Variants in ABHD14A observed in about 807,000 individuals in gnomAD.
The protein encoded by ABHD14A is abhydrolase domain containing 14A, also known as protein ABHD14A.
Under a neutral mutation model 27.0 loss-of-function variants are expected in ABHD14A, and 19 were observed. That is an observed-to-expected ratio of 0.70 (90% CI 0.49 to 1.03). The LOEUF is 1.03. Among genes scored for constraint, ABHD14A ranks in the 50% least tolerant of loss-of-function variants. The probability of loss-of-function intolerance (pLI) is 0.00; values close to 1 mark genes in which losing one functional copy is unlikely to be tolerated. For missense variants in ABHD14A, 311 were observed against 344.6 expected (o/e 0.90, Z 0.77); for synonymous variants, 148 against 158.8 (o/e 0.93, Z 0.51).
At position 51,978,024 on chromosome 3, in the gene ABHD14A, A is replaced by T. The variant is rs766013085; in HGVS notation, c.223A>T (p.Thr75Ser). ...CAATGTCACAGTCCTGGCTGGTCTC[A>T]CCCCTGGCAACTCGCCCATCTTTTA... Reference protein sequence around the residue: ...DPNVTVLAGLTPGNSPIFYRE... With the variant: ...DPNVTVLAGLSPGNSPIFYRE... The change falls in exon 2 of 5, where the codon ACC becomes TCC. Residue 75 changes from threonine (T) to serine (S), a missense_variant. Thr to Ser is a moderately conservative substitution (Grantham distance 58). Coordinates refer to ENST00000273596, the MANE Select transcript of ABHD14A (RefSeq NM_015407.5). 1.2e-6 allele frequency: 2 copies of T among 1,613,706 alleles called. No homozygotes were observed. The highest frequency in any genetic ancestry group is 1.7e-6 in the Non-Finnish European group (2 of 1,179,986).
chr3:51,980,807 A>C, intron 4 of ABHD14A, 29 bp from the exon 5 acceptor site: 1 of 1,599,554 alleles, frequency 6.3e-7, no homozygotes, highest in Non-Finnish European at 8.6e-7. Context: ...TCAGGCCCCA[A>C]GATCACAGCC....
Position 51,978,318 on chromosome 3 carries a change from G to A in ABHD14A, c.341G>A (p.Gly114Asp), listed in dbSNP as rs1378950640. The change falls in exon 3 of 5, where the codon GGC becomes GAC. Residue 114 changes from glycine to aspartate, a missense_variant. Gly to Asp is a moderately conservative substitution (Grantham distance 94). Transcript: ENST00000273596. Reference sequence around the variant, plus strand: ...AACTCTCACACGTGGGAGCAGCTGGGCACACTGCAGCTACTGTCACAGAGG... The same window carrying A: ...AACTCTCACACGTGGGAGCAGCTGGACACACTGCAGCTACTGTCACAGAGG... ...AFNSHTWEQL[G>D]TLQLLSQRGY... 14 of 1,551,712 alleles carry A rather than the reference G, an allele frequency of 9.0e-6. No homozygotes were observed. The highest frequency in any genetic ancestry group is 1.1e-5 in the Non-Finnish European group (13 of 1,147,038).
chr3:51,980,649 A>G, intron 4 of ABHD14A, 21 bp downstream of exon 4: 1 of 1,607,424 alleles, frequency 6.2e-7, no homozygotes, highest in Non-Finnish European at 8.5e-7. Flanking sequence ...AAGGATCTCA[A>G]AGGTCCTGGC....
Position 51,980,551 on chromosome 3 carries a change from C to A in ABHD14A, c.556C>A (p.His186Asn). The change falls in exon 4 of 5, where the codon CAC becomes AAC. Residue 186 changes from histidine to asparagine, a missense_variant. Physicochemically the swap from His to Asn is moderately conservative, Grantham distance 68. Coordinates refer to ENST00000273596, the MANE Select transcript of ABHD14A (RefSeq NM_015407.5). Reference sequence around the variant, plus strand: ...CCTGCCCTTCCTGATGCGAGGCCACCACCAGCTACATGGATTTGTGCCCAT... The same window carrying A: ...CCTGCCCTTCCTGATGCGAGGCCACAACCAGCTACATGGATTTGTGCCCAT... The part of the protein sequence containing the change: ...YALPFLMRGH[H>N]QLHGFVPIAP... 1 of 1,614,126 alleles carries A rather than the reference C, an allele frequency of 6.2e-7. No individual in the cohort carries two copies. Among genetic ancestry groups the A allele is most frequent in the Non-Finnish European group, 8.5e-7 (1 of 1,180,038 alleles).
chr3:51,976,296 A>G (rs900971809), intron 1 of ABHD14A, among the ~76,000 whole-genome samples: 1 of 152,258 alleles, frequency 6.6e-6, no homozygotes, highest in African/African-American at 2.4e-5. Flanking sequence ...GGCTCAGGAA[A>G]CATCCCCAAA....
chr3:51,975,595 G>T (rs1700772361), intron 1 of ABHD14A, among the ~76,000 whole-genome samples: 1 of 151,926 alleles, frequency 6.6e-6, no homozygotes, highest in South Asian at 2.1e-4. Context: ...GTGTGTGTGT[G>T]CGTGTCTGCT....
chr3:51,976,241 C>G (rs1440688712), intron 1 of ABHD14A, among the ~76,000 whole-genome samples: 5 of 152,256 alleles, frequency 3.3e-5, no homozygotes, highest in African/African-American at 1.2e-4. Flanking sequence ...AAGGCGGCTG[C>G]TGCTGTGGCT....
intron 3 of ABHD14A, among the ~76,000 whole-genome samples, chr3:51,979,217 C>T (rs964298054): frequency 2.6e-5 from 4 of 152,176 alleles, no homozygotes; most frequent in Admixed American, 6.5e-5. Flanking sequence ...TCTCCCCCTA[C>T]ATCATGTCTC....
chr3:51,975,065 CAG>C lies in ABHD14A; in HGVS notation c.-70_-69del. ...TGCAGGCCCGCGGCTGCGGAGTGCG[CAG>C]GCGCGCCGAGATGGCCGCGCTCCTG... is the stretch of plus-strand genomic sequence containing the variant. On this transcript the variant is annotated 5_prime_UTR_variant, in exon 1 of 5. Coordinates refer to ENST00000273596, the MANE Select transcript of ABHD14A (RefSeq NM_015407.5). 7.9e-7 allele frequency: 1 copy of C among 1,262,914 alleles called. No homozygotes were observed. Among genetic ancestry groups the C allele is most frequent in the Non-Finnish European group, 1.0e-6 (1 of 1,003,392 alleles). The allele number at this position is 1,262,914 out of a possible 1,614,324, so 78.2% of individuals were successfully genotyped here.
Position 51,980,416 on chromosome 3 carries a change from A to C in ABHD14A, c.421A>C (p.Lys141Gln). ...AGGTTTTGGGAACTCGGCACCTTCAAAGGAGGCAAGCACAGAGGCAGGGCG... is the reference window on the plus strand; with the variant it reads ...AGGTTTTGGGAACTCGGCACCTTCACAGGAGGCAAGCACAGAGGCAGGGCG... Reference protein sequence around the residue: ...LPGFGNSAPSKEASTEAGRAA... With the variant: ...LPGFGNSAPSQEASTEAGRAA... The change falls in exon 4 of 5, where the codon AAG (lysine) becomes CAG (glutamine). Residue 141 changes from lysine (K) to glutamine (Q), a missense_variant. Transcript: ENST00000273596. 2.5e-6 allele frequency: 4 copies of C among 1,613,952 alleles called. No individual in the cohort carries two copies. Among genetic ancestry groups the C allele is most frequent in the Non-Finnish European group, 3.4e-6 (4 of 1,180,008 alleles).
Position 51,980,406 on chromosome 3 carries a change from G to A in ABHD14A, c.411G>A (p.Ser137=), listed in dbSNP as rs1033126428. ...VALDLPGFGN[S]APSKEASTEA... is the part of the protein sequence containing the mutation. ...TGCTGTTCCTAGGTTTTGGGAACTC[G>A]GCACCTTCAAAGGAGGCAAGCACAG... The change falls in exon 4 of 5, where the codon TCG becomes TCA. Residue 137 remains serine (S), a synonymous_variant. Coordinates refer to ENST00000273596, the MANE Select transcript of ABHD14A (RefSeq NM_015407.5). The A allele has an allele frequency of 5.6e-6, 9 of 1,613,814 alleles. No homozygotes were observed. In the Admixed American group the frequency reaches 8.3e-5, roughly 15 times the overall value.
chr3:51,975,348 G>T (rs1173737394), intron 1 of ABHD14A, 144 bp downstream of exon 1: 1 of 742,538 alleles, frequency 1.3e-6, no homozygotes, highest in South Asian at 6.6e-5. Context: ...CGCGTGTAAT[G>T]TGTGTGCGCG....
chr3:51,976,762 A>T (rs1335854673), intron 1 of ABHD14A, among the ~76,000 whole-genome samples: 1 of 152,184 alleles, frequency 6.6e-6, no homozygotes, highest in Admixed American at 6.5e-5. Context: ...AATGACAGGG[A>T]CAGCCCTGAT....
In ABHD14A at chr3:51,977,964, C is replaced by A; in HGVS notation, c.163C>A (p.Pro55Thr). The A allele has an allele frequency of 6.2e-7, 1 of 1,614,128 alleles. No homozygotes were observed. The highest frequency in any genetic ancestry group is 8.5e-7 in the Non-Finnish European group (1 of 1,180,038). Residue 55 changes from proline to threonine, a missense_variant, in exon 2 of 5, where the codon CCC (proline) becomes ACC (threonine). Transcript: ENST00000273596. ...CCTACTGTATGTGGGGCTGCCAGGC[C>A]CCCCTGAGCAGACTTCCTGCCTCTG... ...MLLLYVGLPG[P>T]PEQTSCLWGD...
chr3:51,980,472 C>T lies in ABHD14A; in HGVS notation c.477C>T (p.Asp159=), dbSNP rs754665858. Reference sequence around the variant, plus strand: ...CGCTGCTGGAGCGGGCGCTGCGGGACCTGGAGGTACAGAATGCCGTGTTGG... The same window carrying T: ...CGCTGCTGGAGCGGGCGCTGCGGGATCTGGAGGTACAGAATGCCGTGTTGG... ...RAALLERALR[D]LEVQNAVLVS... The change falls in exon 4 of 5, where the codon GAC becomes GAT. Residue 159 remains aspartate (D), a synonymous_variant. Transcript: ENST00000273596. 2 of 1,613,694 alleles carry T rather than the reference C, an allele frequency of 1.2e-6. No individual in the cohort carries two copies. The highest frequency in any genetic ancestry group is 3.3e-5 in the Admixed American group (2 of 60,028).
chr3:51,979,454 GT>G (rs1013771288), intron 3 of ABHD14A, among the ~76,000 whole-genome samples: 67 of 136,672 alleles, frequency 4.9e-4, no homozygotes, highest in African/African-American at 1.4e-3. Flanking sequence ...GTTGTGTTTT[GT>G]TTTTTTTTTG....
Position 51,978,054 on chromosome 3 carries a change from G to A in ABHD14A, c.253G>A (p.Glu85Lys), listed in dbSNP as rs746216035. The A allele has an allele frequency of 3.0e-5, 48 of 1,613,840 alleles. No homozygotes were observed. The highest frequency in any genetic ancestry group is 7.7e-5 in the South Asian group (7 of 91,076). ...TPGNSPIFYR[E>K]VLPLNQAHRV... ...TGGCAACTCGCCCATCTTTTACCGC[G>A]AGGTGCTCCCACTCAACCAGGCACA... Residue 85 changes from glutamate (E) to lysine (K), a missense_variant, in exon 2 of 5, where the codon GAG becomes AAG. Physicochemically the swap from Glu to Lys is moderately conservative, Grantham distance 56 (BLOSUM62 1). Transcript: ENST00000273596.
At chr3:51,975,297 G>A in intron 1 of ABHD14A, 93 bp downstream of exon 1, 1 of 1,161,620 alleles carries the variant, frequency 8.6e-7, no homozygotes, top group Non-Finnish European at 1.1e-6. Flanking sequence ...GCAGAGTCCC[G>A]CGGAAGAAGC....
chr3:51,976,544 C>T (rs1459045843), intron 1 of ABHD14A, among the ~76,000 whole-genome samples: 11 of 152,174 alleles, frequency 7.2e-5, no homozygotes, highest in Non-Finnish European at 1.3e-4. Context: ...GGCGCGGTGG[C>T]GGGAGCCTGT....
Sources: allele counts gnomAD v4.1 joint callset (sites outside exome capture counted in the v4.1 genomes callset), GRCh38; gene constraint gnomAD v4.1.1; transcripts MANE v1.5; gene names NCBI Gene and HGNC (gene_info 2026-07-23, HGNC 2026-07-21).